The following ZNF469 variants were observed in gnomAD, a reference collection of about 807,000 sequenced individuals.
The protein encoded by ZNF469 is zinc finger protein 469.
ZNF469 carries 1 observed loss-of-function variant against 1.0 expected under a neutral mutation model. The ratio of observed to expected loss-of-function variants is 1.00; its 90% confidence interval spans 0.35 to 4.73. The LOEUF (loss-of-function observed/expected upper bound fraction) is 4.73. ZNF469 is among the 30% of genes most tolerant of loss of function. The pLI is 0.16. For synonymous variants in ZNF469, 2,703 were observed against 2,363.4 expected (o/e 1.14, Z -4.17); for missense variants, 6,100 against 5,356.3 (o/e 1.14, Z -4.33).
chr16:88,302,244 G>A, the ZNF469 span, among the ~76,000 whole-genome samples: 1 of 152,250 alleles, frequency 6.6e-6, no homozygotes, highest in East Asian at 1.9e-4. Context: ...TGCTGTCGGA[G>A]TGCTGGGAAT....
At chr16:88,197,861 C>T in the ZNF469 span, among the ~76,000 whole-genome samples, 1 of 152,244 alleles carries the variant, frequency 6.6e-6, no homozygotes, top group Non-Finnish European at 1.5e-5. Flanking sequence ...AGCATGGCAA[C>T]CAGCTCCCCA....
At chr16:88,426,930 C>G (rs528551410) in intron 2 of ZNF469, among the ~76,000 whole-genome samples, 2 of 152,268 alleles carry the variant, frequency 1.3e-5, no homozygotes, top group African/African-American at 4.8e-5. Flanking sequence ...CTCCTGGACG[C>G]TGCCAGGACC....
At chr16:88,366,514 A>T in the ZNF469 span, among the ~76,000 whole-genome samples, 3 of 150,572 alleles carry the variant, frequency 2.0e-5, no homozygotes, top group African/African-American at 4.9e-5. Flanking sequence ...CATCACTATC[A>T]TCATTATCAC....
chr16:88,336,550 A>T, the ZNF469 span, among the ~76,000 whole-genome samples: 4 of 151,220 alleles, frequency 2.6e-5, no homozygotes, highest in Middle Eastern at 3.5e-3. Flanking sequence ...CTGATGTGCC[A>T]ATACCACACA....
chr16:88,110,030 G>C, the ZNF469 span, among the ~76,000 whole-genome samples: 1 of 152,248 alleles, frequency 6.6e-6, no homozygotes, highest in Non-Finnish European at 1.5e-5. Flanking sequence ...CCAGAAACTA[G>C]CACCAGAATG....
At chr16:88,388,437 G>A (rs1904399193) in intron 1 of ZNF469, among the ~76,000 whole-genome samples, 1 of 150,232 alleles carries the variant, frequency 6.7e-6, no homozygotes, top group South Asian at 2.1e-4. Flanking sequence ...GAATGTGACC[G>A]TTGGGAGCGT....
chr16:88,137,822 G>A, the ZNF469 span, among the ~76,000 whole-genome samples: 822 of 152,338 alleles, frequency 5.4e-3, 8 homozygotes, highest in African/African-American at 0.018. Context: ...TCAAGGCTCA[G>A]GGAGCAATGT....
the ZNF469 span, among the ~76,000 whole-genome samples, chr16:88,202,966 T>C: frequency 0.043 from 6,539 of 152,242 alleles, 147 homozygotes; most frequent in Middle Eastern, 0.12. Context: ...CGTGACAGTC[T>C]CTGTGCAGTG....
In ZNF469 at chr16:88,383,122, GCGGGCGGGCGGCC is replaced by G. The variant is rs1011529760; in HGVS notation, c.-314_-302del. On this transcript the variant is annotated 5_prime_UTR_variant, in exon 1 of 3. Coordinates refer to ENST00000565624, the MANE Select transcript of ZNF469 (RefSeq NM_001367624.2). ...GCGCGGCAGAGCGGCTCGGTGCCCGGCGGGCGGGCGGCCCGGGCGGGCCTGCGGTCGGGATGAG... is the reference window on the plus strand; with the variant it reads ...GCGCGGCAGAGCGGCTCGGTGCCCGGCGGGCGGGCCTGCGGTCGGGATGAG... 2.2e-3 allele frequency among the ~76,000 whole-genome samples: 326 copies of G among 149,216 alleles called. No homozygotes were observed. Among genetic ancestry groups the G allele is most frequent in the African/African-American group, 6.6e-3 (274 of 41,232 alleles).
At chr16:88,201,827 C>T in the ZNF469 span, among the ~76,000 whole-genome samples, 3 of 152,316 alleles carry the variant, frequency 2.0e-5, no homozygotes, top group South Asian at 2.1e-4. This position sits in a 1 kb window ranked among gnomAD's most constrained non-coding sequence, Gnocchi z 5.0. Flanking sequence ...CCTAAGGCGC[C>T]GGCTGCTGGC....
In ZNF469 at chr16:88,435,636, G is replaced by C. The variant is rs1906517047; in HGVS notation, c.8166G>C (p.Gln2722His). ...EALCAGETGA[Q>H]KPPGDRMLCP... ...TGTGTGCAGGGGAGACTGGGGCCCAGAAGCCACCTGGAGATCGGATGCTGT... is the reference window on the plus strand; with the variant it reads ...TGTGTGCAGGGGAGACTGGGGCCCACAAGCCACCTGGAGATCGGATGCTGT... Residue 2722 changes from glutamine (Q) to histidine (H), a missense_variant, in exon 3 of 3, where the codon CAG (glutamine) becomes CAC (histidine). Physicochemically the swap from Gln to His is conservative, Grantham distance 24 (BLOSUM62 0). Coordinates refer to ENST00000565624, the MANE Select transcript of ZNF469 (RefSeq NM_001367624.2). 6.4e-7 allele frequency: 1 copy of C among 1,550,456 alleles called. No homozygotes were observed. Among genetic ancestry groups the C allele is most frequent in the Non-Finnish European group, 8.7e-7 (1 of 1,146,990 alleles).
At chr16:88,285,333 G>A in the ZNF469 span, among the ~76,000 whole-genome samples, 6 of 152,268 alleles carry the variant, frequency 3.9e-5, no homozygotes, top group African/African-American at 1.4e-4. Context: ...GCCCACTGCT[G>A]AGCGGTCTCT....
chr16:88,345,733 G>C, the ZNF469 span, among the ~76,000 whole-genome samples: 3 of 152,154 alleles, frequency 2.0e-5, no homozygotes, highest in Non-Finnish European at 2.9e-5. Flanking sequence ...ACTGGCTCCA[G>C]CTCTCCTCAC....
chr16:88,388,912 TGGA>T (rs1234742952), intron 1 of ZNF469, among the ~76,000 whole-genome samples: 1 of 152,032 alleles, frequency 6.6e-6, no homozygotes, highest in African/African-American at 2.4e-5. Context: ...GTCTCCATAC[TGGA>T]GGAAGCTGCC....
chr16:88,102,293 G>A, the ZNF469 span, among the ~76,000 whole-genome samples: 4 of 152,180 alleles, frequency 2.6e-5, no homozygotes, highest in Non-Finnish European at 4.4e-5. Flanking sequence ...AAGGCGGGTG[G>A]ATCACCTGAG....
rs867373457 is a variant in ZNF469 at position 88,411,478 on chromosome 16, A to G, written c.-191-13329A>G. On this transcript the variant is annotated intron_variant, in intron 1 of 2. Coordinates refer to ENST00000565624, the MANE Select transcript of ZNF469 (RefSeq NM_001367624.2). The stretch of plus-strand genomic sequence containing the variant: ...GGTGCGAGTGGGCAGGGGTGCAAGC[A>G]GGCAGGGGTGCGAGCGGGCAGGGGT... 1.6e-3 allele frequency among the ~76,000 whole-genome samples: 7 copies of G among 4,508 alleles called. No individual in the cohort carries two copies. The East Asian group carries it at 0.064, about 41-fold the overall frequency. The allele number at this position is 4,508 out of a possible 152,430, so 3.0% of individuals were successfully genotyped here.
At chr16:88,327,126 C>T in the ZNF469 span, among the ~76,000 whole-genome samples, 1 of 152,196 alleles carries the variant, frequency 6.6e-6, no homozygotes, top group African/African-American at 2.4e-5. Context: ...GTGGGGCCAT[C>T]CCCCATCCCA....
At position 88,436,623 on chromosome 16, in the gene ZNF469, C is replaced by G. The variant is rs1325264278; in HGVS notation, c.9153C>G (p.Thr3051=). The change falls in exon 3 of 3, where the codon ACC becomes ACG. Residue 3051 remains threonine, a synonymous_variant. Transcript: ENST00000565624. The part of the protein sequence containing the change: ...LRATDFEVLS[T]KFEMQDLCFL... ...CCACGGACTTTGAGGTGCTCAGCAC[C>G]AAGTTTGAGATGCAAGACCTGTGCT... 1 of 1,550,272 alleles carries G rather than the reference C, an allele frequency of 6.5e-7. No individual in the cohort carries two copies. Among genetic ancestry groups the G allele is most frequent in the Admixed American group, 2.0e-5 (1 of 50,996 alleles).
chr16:88,255,185 C>G, the ZNF469 span, among the ~76,000 whole-genome samples: 1 of 152,206 alleles, frequency 6.6e-6, no homozygotes, highest in Non-Finnish European at 1.5e-5. Flanking sequence ...GTGGGTTGCT[C>G]TTGCCAATGT....
Sources: gnomAD v4.1 joint callset for allele counts (sites outside exome capture counted in the v4.1 genomes callset) on GRCh38, gnomAD v4.1.1 for gene constraint, Gnocchi (gnomAD v3.1) non-coding constraint, MANE v1.5 for transcripts, NCBI Gene and HGNC (gene_info 2026-07-23, HGNC 2026-07-21) for gene names.